SEMA5A: variants seen among roughly 807,000 people sequenced by gnomAD.
SEMA5A encodes the protein semaphorin 5A.
Under a neutral mutation model 135.5 loss-of-function variants are expected in SEMA5A, and 55 were observed. The observed-to-expected ratio is 0.41, with a 90% CI of 0.33 to 0.51. The LOEUF (loss-of-function observed/expected upper bound fraction) is 0.51. Ranked by LOEUF, SEMA5A falls within the 20% of genes least tolerant of loss-of-function variation. SEMA5A has a pLI of 0.37. For missense variants in SEMA5A, 1,290 were observed against 1,419.9 expected, an observed-to-expected ratio of 0.91 and a Z score of 1.47; for synonymous variants, 580 against 546.5, an observed-to-expected ratio of 1.06 and a Z score of -0.85.
rs557540892 is a variant in SEMA5A, at chr5:9,285,962, A to T, written c.270+32410T>A. ...GGTGATGCATACCCCAATTAGCCAG[A>T]TTTGATCATTATATATTGTATATGC... On this transcript the variant is annotated intron_variant, in intron 5 of 22. Coordinates refer to ENST00000382496, the MANE Select transcript of SEMA5A (RefSeq NM_003966.3). 1.0e-3 allele frequency among the ~76,000 whole-genome samples: 155 copies of T among 152,372 alleles called. 1 individual carries two copies. The highest frequency in any genetic ancestry group is 3.7e-3 in the African/African-American group (155 of 41,586).
chr5:9,075,139 T>A (rs1579345020), intron 16 of SEMA5A, among the ~76,000 whole-genome samples: 1 of 152,216 alleles, frequency 6.6e-6, no homozygotes, highest in East Asian at 1.9e-4. Flanking sequence ...GTTGAGTATT[T>A]CTAAGTAGAA....
chr5:9,542,013 G>T (rs938027988), intron 1 of SEMA5A, among the ~76,000 whole-genome samples: 1 of 152,132 alleles, frequency 6.6e-6, no homozygotes. Context: ...TTTTGAGCAG[G>T]TTCATTTATA....
chr5:9,072,070 A>G (rs1737799261), intron 16 of SEMA5A, among the ~76,000 whole-genome samples: 1 of 152,240 alleles, frequency 6.6e-6, no homozygotes, highest in South Asian at 2.1e-4. Flanking sequence ...ATGGTCACAG[A>G]GTGTCTTCTG....
At chr5:9,455,969 T>C (rs1758819087) in intron 1 of SEMA5A, among the ~76,000 whole-genome samples, 1 of 152,128 alleles carries the variant, frequency 6.6e-6, no homozygotes, top group Non-Finnish European at 1.5e-5. Context: ...GAATCTCAAA[T>C]GCACAAAGCA....
chr5:9,477,847 T>C (rs1375502180), intron 1 of SEMA5A, among the ~76,000 whole-genome samples: 2 of 152,166 alleles, frequency 1.3e-5, no homozygotes, highest in African/African-American at 4.8e-5. Context: ...AAACATTTCA[T>C]AGGGAGAAAT....
chr5:9,518,305 C>T (rs537605440), intron 1 of SEMA5A, among the ~76,000 whole-genome samples: 5 of 152,248 alleles, frequency 3.3e-5, no homozygotes, highest in African/African-American at 1.2e-4. Flanking sequence ...CTTAGCTGAG[C>T]CAGCTAATTC....
intron 3 of SEMA5A, among the ~76,000 whole-genome samples, chr5:9,343,847 A>T (rs1198026488): frequency 2.0e-5 from 3 of 152,124 alleles, no homozygotes; most frequent in Non-Finnish European, 2.9e-5. Context: ...GAACAAGGTA[A>T]TCTCACTTTG....
intron 2 of SEMA5A, among the ~76,000 whole-genome samples, chr5:9,381,790 T>A (rs1755620417): frequency 6.6e-6 from 1 of 152,086 alleles, no homozygotes; most frequent in Non-Finnish European, 1.5e-5. Context: ...AAAAGAGTGG[T>A]TGTTATAATC....
chr5:9,502,491 GGC>G (rs2126823671), intron 1 of SEMA5A, among the ~76,000 whole-genome samples: 1 of 152,272 alleles, frequency 6.6e-6, no homozygotes, highest in South Asian at 2.1e-4. Flanking sequence ...CAAAAACTTA[GGC>G]CAGAGATAGC....
In SEMA5A at chr5:9,062,980, G is replaced by A. The variant is rs748710370; in HGVS notation, c.2425C>T (p.Arg809Cys). ...DCSRGIRNRKRVCNNPEPKYG... is the reference protein window; with the variant it reads ...DCSRGIRNRKCVCNNPEPKYG... ...TTGGGTTCGGGGTTGTTGCAAACACGCTTCCGGTTCCGAATGCCCCTGCTG... is the reference window on the plus strand; with the variant it reads ...TTGGGTTCGGGGTTGTTGCAAACACACTTCCGGTTCCGAATGCCCCTGCTG... The change falls in exon 18 of 23, where the codon CGT becomes TGT. Residue 809 changes from arginine to cysteine, a missense_variant. Physicochemically the swap from Arg to Cys is radical, Grantham distance 180. Coordinates refer to ENST00000382496, the MANE Select transcript of SEMA5A (RefSeq NM_003966.3). 6 of 1,614,196 alleles carry A rather than the reference G, an allele frequency of 3.7e-6. No homozygotes were observed. The highest frequency in any genetic ancestry group is 5.1e-6 in the Non-Finnish European group (6 of 1,180,046).
intron 5 of SEMA5A, among the ~76,000 whole-genome samples, chr5:9,241,213 C>T (rs1748178881): frequency 1.3e-5 from 2 of 151,954 alleles, no homozygotes; most frequent in African/African-American, 4.8e-5. Context: ...TAAATACATA[C>T]AAATAATACC....
intron 15 of SEMA5A, among the ~76,000 whole-genome samples, 172 bp downstream of exon 15, chr5:9,118,826 C>T (rs888140444): frequency 6.6e-6 from 1 of 152,156 alleles, no homozygotes; most frequent in East Asian, 1.9e-4. Flanking sequence ...GTCGACGAGG[C>T]TTTGATCAAA....
chr5:9,220,273 G>A (rs1382001671), intron 8 of SEMA5A, among the ~76,000 whole-genome samples: 1 of 151,984 alleles, frequency 6.6e-6, no homozygotes, highest in Non-Finnish European at 1.5e-5. Context: ...TCAGGTGAAG[G>A]GTGCACTACA....
At chr5:9,164,672 G>A (rs1438548328) in intron 11 of SEMA5A, among the ~76,000 whole-genome samples, 1 of 152,078 alleles carries the variant, frequency 6.6e-6, no homozygotes, top group Non-Finnish European at 1.5e-5. Context: ...CATATGGTTG[G>A]TGCTACTGCT....
At chr5:9,528,375 T>C (rs985122254) in intron 1 of SEMA5A, among the ~76,000 whole-genome samples, 2 of 152,174 alleles carry the variant, frequency 1.3e-5, no homozygotes, top group Non-Finnish European at 2.9e-5. Flanking sequence ...TCCTATTCAC[T>C]AAACATGAGA....
intron 1 of SEMA5A, among the ~76,000 whole-genome samples, chr5:9,451,854 C>G (rs1334056406): frequency 1.3e-5 from 2 of 152,144 alleles, no homozygotes; most frequent in Non-Finnish European, 2.9e-5. Flanking sequence ...GGATGGCAGA[C>G]AGTAACTCTC....
intron 1 of SEMA5A, among the ~76,000 whole-genome samples, chr5:9,535,840 C>T (rs148198265): frequency 3.3e-5 from 5 of 152,188 alleles, no homozygotes; most frequent in African/African-American, 7.2e-5. Context: ...AGTTACCCCA[C>T]GGGCAGATGC....
At chr5:9,252,322 C>A (rs56147881) in intron 5 of SEMA5A, among the ~76,000 whole-genome samples, 10,637 of 152,134 alleles carry the variant, frequency 0.07, 482 homozygotes, top group Non-Finnish European at 0.1. Flanking sequence ...CCATTCCCAC[C>A]CTGTAATCTG....
intron 5 of SEMA5A, among the ~76,000 whole-genome samples, chr5:9,254,102 T>A (rs1416520495): frequency 6.6e-6 from 1 of 152,182 alleles, no homozygotes; most frequent in Non-Finnish European, 1.5e-5. Context: ...CAGGAAGTGT[T>A]AACTCTCCAG....
Sources: allele counts gnomAD v4.1 joint callset (sites outside exome capture counted in the v4.1 genomes callset), GRCh38; gene constraint gnomAD v4.1.1; transcripts MANE v1.5; gene names NCBI Gene and HGNC (gene_info 2026-07-23, HGNC 2026-07-21).